The following ITGB3BP variants were observed in gnomAD, a reference collection of about 807,000 sequenced individuals.
The protein encoded by ITGB3BP is integrin subunit beta 3 binding protein.
In ITGB3BP, 27 loss-of-function variants were observed where a neutral mutation model predicts 29.1. The ratio of observed to expected loss-of-function variants is 0.93; its 90% CI spans 0.68 to 1.28. ITGB3BP has a LOEUF of 1.28. Ranked by LOEUF, ITGB3BP falls within the 50% of genes most tolerant of loss-of-function variation. The probability of loss-of-function intolerance (pLI) is 0.00; values close to 1 mark genes in which losing one functional copy is unlikely to be tolerated. For synonymous variants in ITGB3BP, 61 were observed against 61.4 expected (o/e 0.99, Z 0.03); for missense variants, 192 against 200.2 (o/e 0.96, Z 0.25).
chr1:63,463,931 T>C (rs1645061254), intron 4 of ITGB3BP, among the ~76,000 whole-genome samples: 1 of 152,134 alleles, frequency 6.6e-6, no homozygotes, highest in South Asian at 2.1e-4. Flanking sequence ...AAAGAGTACA[T>C]ATGGTGTGCC....
At chr1:63,481,796 T>C (rs867784950) in intron 3 of ITGB3BP, among the ~76,000 whole-genome samples, 15 of 152,328 alleles carry the variant, frequency 9.8e-5, no homozygotes, top group African/African-American at 3.4e-4. Context: ...ATATGTTACA[T>C]ATGATATCTA....
intron 2 of ITGB3BP, among the ~76,000 whole-genome samples, chr1:63,505,028 A>C (rs1646040145): frequency 6.6e-6 from 1 of 152,176 alleles, no homozygotes; most frequent in Non-Finnish European, 1.5e-5. Context: ...GGGCTCATAA[A>C]ATGCATCAGG....
chr1:63,479,485 T>G (rs1278837203), intron 3 of ITGB3BP, among the ~76,000 whole-genome samples: 7 of 152,122 alleles, frequency 4.6e-5, no homozygotes, highest in African/African-American at 1.7e-4. Context: ...TCTCAGCAAT[T>G]TTCAAGTATA....
chr1:63,467,000 A>G (rs1414644012), intron 4 of ITGB3BP, among the ~76,000 whole-genome samples: 4 of 150,966 alleles, frequency 2.6e-5, no homozygotes, highest in Non-Finnish European at 4.4e-5. Flanking sequence ...TTCTCCAAAC[A>G]GCCTCCTATG....
intron 4 of ITGB3BP, among the ~76,000 whole-genome samples, chr1:63,461,132 T>C (rs1645010572): frequency 1.3e-5 from 2 of 150,804 alleles, no homozygotes; most frequent in Admixed American, 1.3e-4. Flanking sequence ...CGGGTGCCTG[T>C]AGTCCCAGCT....
chr1:63,447,385 C>A (rs1376194439), intron 7 of ITGB3BP, among the ~76,000 whole-genome samples: 1 of 152,206 alleles, frequency 6.6e-6, no homozygotes, highest in Non-Finnish European at 1.5e-5. Context: ...CAGGCTCTAT[C>A]CAGGCACTGT....
At chr1:63,509,979 C>T (rs748861617) in intron 1 of ITGB3BP, 14 of 423,352 alleles carry the variant, frequency 3.3e-5, no homozygotes, top group East Asian at 2.5e-4. Context: ...GATCACCTGA[C>T]GTCAGGAGTT....
chr1:63,484,766 T>A (rs1645496669), intron 3 of ITGB3BP, among the ~76,000 whole-genome samples: 1 of 152,114 alleles, frequency 6.6e-6, no homozygotes, highest in African/African-American at 2.4e-5. Context: ...AACTTGTCTA[T>A]GTCCTTCCTT....
At chr1:63,462,595 G>A (rs1412183683) in intron 4 of ITGB3BP, among the ~76,000 whole-genome samples, 1 of 152,164 alleles carries the variant, frequency 6.6e-6, no homozygotes, top group African/African-American at 2.4e-5. Context: ...ATTTTAAACA[G>A]TTGAAAATAA....
At chr1:63,445,551 A>AT (rs748831100) in intron 8 of ITGB3BP, among the ~76,000 whole-genome samples, 6 of 151,554 alleles carry the variant, frequency 4.0e-5, no homozygotes, top group East Asian at 3.9e-4. Flanking sequence ...TTGTGCTTTG[A>AT]TTTTTTTTCC....
At chr1:63,516,721 A>G (rs1157356073) in intron 1 of ITGB3BP, among the ~76,000 whole-genome samples, 1 of 151,460 alleles carries the variant, frequency 6.6e-6, no homozygotes, top group African/African-American at 2.4e-5. Flanking sequence ...TGAAAAAAAA[A>G]AAAAAAGAAA....
At chr1:63,471,073 A>C (rs531851185) in intron 4 of ITGB3BP, among the ~76,000 whole-genome samples, 1 of 152,284 alleles carries the variant, frequency 6.6e-6, no homozygotes, top group East Asian at 1.9e-4. Context: ...TGCTCTTGTG[A>C]AGTACCAATT....
At chr1:63,465,121 T>C (rs1272230362) in intron 4 of ITGB3BP, among the ~76,000 whole-genome samples, 1 of 152,194 alleles carries the variant, frequency 6.6e-6, no homozygotes, top group Non-Finnish European at 1.5e-5. Context: ...TAAATAATAT[T>C]ATTCTTAGGA....
At chr1:63,449,399 TATC>T (rs1644832490) in intron 7 of ITGB3BP, 1 of 152,292 alleles carries the variant, frequency 6.6e-6, no homozygotes, top group African/African-American at 2.4e-5. Flanking sequence ...AAAGAAAAAT[TATC>T]ATACTTCTGT....
At chr1:63,528,672 A>G (rs913663683) in intron 2 of ITGB3BP, among the ~76,000 whole-genome samples, 5 of 152,164 alleles carry the variant, frequency 3.3e-5, no homozygotes, top group African/African-American at 1.2e-4. Context: ...CTCATATTAT[A>G]CACCTACTAT....
At chr1:63,464,089 T>TGAC (rs1645063623) in intron 4 of ITGB3BP, among the ~76,000 whole-genome samples, 2 of 152,206 alleles carry the variant, frequency 1.3e-5, no homozygotes, top group Non-Finnish European at 2.9e-5. Context: ...AACACTACTC[T>TGAC]GAGTATCCTT....
intron 3 of ITGB3BP, among the ~76,000 whole-genome samples, chr1:63,489,218 A>G (rs982946436): frequency 6.6e-6 from 1 of 152,030 alleles, no homozygotes; most frequent in Non-Finnish European, 1.5e-5. Flanking sequence ...GTGTTACATT[A>G]TAACAAATCA....
chr1:63,464,738 A>G (rs1371276693), intron 4 of ITGB3BP, among the ~76,000 whole-genome samples: 1 of 152,216 alleles, frequency 6.6e-6, no homozygotes, highest in Non-Finnish European at 1.5e-5. Flanking sequence ...CTGTAATCAA[A>G]TGATTAAAAT....
chr1:63,521,824 T>G (rs1006780132), intron 1 of ITGB3BP, among the ~76,000 whole-genome samples: 8 of 152,188 alleles, frequency 5.3e-5, no homozygotes. Flanking sequence ...GTTTTTTGGT[T>G]CCCCACTCCT....
Sources: allele counts gnomAD v4.1 joint callset (sites outside exome capture counted in the v4.1 genomes callset), GRCh38; gene constraint gnomAD v4.1.1; transcripts MANE v1.5; gene names NCBI Gene and HGNC (gene_info 2026-07-23, HGNC 2026-07-21).